The following NCKAP5 variants were observed in gnomAD, a reference collection of about 807,000 sequenced individuals.
NCKAP5 encodes the protein NCK associated protein 5, also known as nck-associated protein 5.
Under a neutral mutation model 167.0 loss-of-function variants are expected in NCKAP5, and 92 were observed. That is an observed-to-expected ratio of 0.55 (90% CI 0.47 to 0.66). The LOEUF is 0.66. NCKAP5 is among the 30% of genes least tolerant of loss of function. The pLI is 0.00. For missense variants in NCKAP5, 2,378 were observed against 2,315.0 expected (o/e 1.03, Z -0.56); for synonymous variants, 891 against 877.4 (o/e 1.02, Z -0.27).
intron 11 of NCKAP5, among the ~76,000 whole-genome samples, chr2:132,837,132 A>G (rs915011262): frequency 1.3e-5 from 2 of 152,012 alleles, no homozygotes; most frequent in African/African-American, 2.4e-5. Flanking sequence ...TGTAGTTCCT[A>G]TTTCATGACC....
At chr2:132,772,271 G>A (rs1682142556) in intron 16 of NCKAP5, among the ~76,000 whole-genome samples, 1 of 152,120 alleles carries the variant, frequency 6.6e-6, no homozygotes, top group African/African-American at 2.4e-5. Context: ...ACCCATGACT[G>A]TACAGAAGAC....
intron 5 of NCKAP5, among the ~76,000 whole-genome samples, chr2:133,188,222 A>T (rs1043659546): frequency 1.3e-5 from 2 of 151,990 alleles, no homozygotes; most frequent in African/African-American, 4.8e-5. Flanking sequence ...CAAATCAACA[A>T]GAAGAGCTAA....
chr2:133,356,811 A>G (rs1438761700), intron 3 of NCKAP5, among the ~76,000 whole-genome samples: 1 of 152,166 alleles, frequency 6.6e-6, no homozygotes, highest in African/African-American at 2.4e-5. Context: ...ATTTAGGGCT[A>G]ACAAGAGATA....
chr2:133,235,866 C>T (rs917205188), intron 4 of NCKAP5, among the ~76,000 whole-genome samples: 11 of 150,022 alleles, frequency 7.3e-5, no homozygotes, highest in Admixed American at 2.7e-4. Context: ...ATTGTGCCAT[C>T]GCACTCCAGC....
chr2:133,647,018 CA>C, the NCKAP5 span, among the ~76,000 whole-genome samples: 5 of 150,580 alleles, frequency 3.3e-5, no homozygotes, highest in South Asian at 2.1e-4. Flanking sequence ...TATATCAGTA[CA>C]AAAAAAATTG....
intron 4 of NCKAP5, among the ~76,000 whole-genome samples, chr2:133,246,998 A>C (rs1272659248): frequency 6.6e-6 from 1 of 152,184 alleles, no homozygotes; most frequent in Non-Finnish European, 1.5e-5. Context: ...GAATTTAACC[A>C]TTTCCTAAAT....
At chr2:133,504,088 T>C (rs1371098545) in intron 3 of NCKAP5, among the ~76,000 whole-genome samples, 1 of 152,166 alleles carries the variant, frequency 6.6e-6, no homozygotes, top group East Asian at 1.9e-4. Context: ...AGTCTAATGT[T>C]GGAGGTTTAG....
At position 133,215,060 on chromosome 2, in the gene NCKAP5, C is replaced by A. The variant is rs564323485; in HGVS notation, c.144-1281G>T. 6.4e-4 allele frequency among the ~76,000 whole-genome samples: 97 copies of A among 152,126 alleles called. 1 individual carries two copies. The highest frequency in any genetic ancestry group is 2.2e-3 in the Admixed American group (34 of 15,266). ...AAGGCACAGACTAGAAGAAGGGAGA[C>A]TAGACTAGGAGACATTCCAGGTATA... On this transcript the variant is annotated intron_variant, in intron 4 of 19. Coordinates refer to ENST00000409261, the MANE Select transcript of NCKAP5 (RefSeq NM_207363.3).
chr2:133,279,407 G>C (rs529300652), intron 4 of NCKAP5, among the ~76,000 whole-genome samples: 1 of 152,210 alleles, frequency 6.6e-6, no homozygotes, highest in Non-Finnish European at 1.5e-5. Flanking sequence ...TTGCTGATTT[G>C]AACATTTTTA....
At chr2:133,595,792 G>A in the NCKAP5 span, among the ~76,000 whole-genome samples, 9 of 152,130 alleles carry the variant, frequency 5.9e-5, no homozygotes, top group Non-Finnish European at 1.2e-4. Flanking sequence ...CAAACAATAT[G>A]TAAACAAACA....
At chr2:133,120,212 T>C (rs2149755604) in intron 6 of NCKAP5, among the ~76,000 whole-genome samples, 1 of 152,326 alleles carries the variant, frequency 6.6e-6, no homozygotes, top group South Asian at 2.1e-4. Context: ...CACATTTCTT[T>C]TGTCAGAACC....
chr2:133,317,500 G>A (rs1192553683), intron 3 of NCKAP5, among the ~76,000 whole-genome samples: 1 of 152,088 alleles, frequency 6.6e-6, no homozygotes, highest in Admixed American at 6.5e-5. Flanking sequence ...TTTGGGGTTG[G>A]GTTCTGTGCA....
At chr2:133,383,365 T>G (rs764562532) in intron 3 of NCKAP5, among the ~76,000 whole-genome samples, 14 of 152,200 alleles carry the variant, frequency 9.2e-5, no homozygotes, top group Non-Finnish European at 2.1e-4. Flanking sequence ...GGTTTCCAGC[T>G]TCATCCATGT....
chr2:133,411,893 A>G (rs1392754443), intron 3 of NCKAP5, among the ~76,000 whole-genome samples: 3 of 152,172 alleles, frequency 2.0e-5, no homozygotes, highest in East Asian at 1.9e-4. Flanking sequence ...CACACACTTA[A>G]GAATCACCAT....
intron 11 of NCKAP5, among the ~76,000 whole-genome samples, chr2:132,804,096 C>G (rs752277337): frequency 3.4e-5 from 5 of 146,184 alleles, no homozygotes; most frequent in African/African-American, 1.2e-4. Flanking sequence ...AAACAAAATT[C>G]GGAAATATTT....
intron 6 of NCKAP5, among the ~76,000 whole-genome samples, chr2:133,091,307 G>A (rs370489178): frequency 2.0e-5 from 3 of 152,106 alleles, no homozygotes; most frequent in African/African-American, 7.2e-5. Flanking sequence ...CTTCCCCATG[G>A]AAACCTTTCC....
chr2:133,672,004 G>A, the NCKAP5 span, among the ~76,000 whole-genome samples: 1 of 152,122 alleles, frequency 6.6e-6, no homozygotes, highest in Admixed American at 6.6e-5. Flanking sequence ...ATAAGAAGGA[G>A]ATAAACAAAT....
At chr2:133,538,931 G>GT (rs71412735) in intron 2 of NCKAP5, among the ~76,000 whole-genome samples, 5,439 of 108,252 alleles carry the variant, frequency 0.05, 845 homozygotes, top group African/African-American at 0.15. Context: ...GTTTTTTTGG[G>GT]TTTTTTTTTT....
rs746661635 is a variant in NCKAP5, at chr2:132,878,845, T to G, written c.648+3A>C. 1 of 1,611,894 alleles carries G rather than the reference T, an allele frequency of 6.2e-7. No individual in the cohort carries two copies. The highest frequency in any genetic ancestry group is 8.5e-7 in the Non-Finnish European group (1 of 1,178,018). On this transcript the variant is annotated splice_donor_region_variant and intron_variant, in intron 9 of 19. Coordinates refer to ENST00000409261, the MANE Select transcript of NCKAP5 (RefSeq NM_207363.3). Reference sequence around the variant, plus strand: ...GGATCAGGAGCCTCTCCATCCCCCTTACCTCATCAAGACATCGCTCATATT... The same window carrying G: ...GGATCAGGAGCCTCTCCATCCCCCTGACCTCATCAAGACATCGCTCATATT...
Sources: gnomAD v4.1 joint callset for allele counts (sites outside exome capture counted in the v4.1 genomes callset) on GRCh38, gnomAD v4.1.1 for gene constraint, MANE v1.5 for transcripts, NCBI Gene and HGNC (gene_info 2026-07-23, HGNC 2026-07-21) for gene names.